The following POLR1E variants were observed in gnomAD, a reference collection of about 807,000 sequenced individuals.
The protein encoded by POLR1E is RNA polymerase I subunit E.
Under a neutral mutation model 50.9 loss-of-function variants are expected in POLR1E, and 37 were observed. The ratio of observed to expected loss-of-function variants is 0.73; its 90% CI spans 0.56 to 0.96. The LOEUF (loss-of-function observed/expected upper bound fraction) is 0.96, where lower values mean the gene tolerates loss of function less well. Among genes scored for constraint, POLR1E ranks in the 40% least tolerant of loss-of-function variants. The pLI is 0.00. For synonymous variants in POLR1E, 166 were observed against 191.6 expected (o/e 0.87, Z 1.10); for missense variants, 426 against 518.1 (o/e 0.82, Z 1.73).
chr9:37,503,219 C>T lies in POLR1E; in HGVS notation c.*17C>T. On this transcript the variant is annotated 3_prime_UTR_variant, in exon 12 of 12. Coordinates refer to ENST00000377798, the MANE Select transcript of POLR1E (RefSeq NM_022490.4). Reference sequence around the variant, plus strand: ...ATTACCTAGACGCATGCTTTCCAGACAGGGCGTTTTGGCTGCATCACAGCC... The same window carrying T: ...ATTACCTAGACGCATGCTTTCCAGATAGGGCGTTTTGGCTGCATCACAGCC... 1 of 1,585,454 alleles carries T rather than the reference C, an allele frequency of 6.3e-7. No individual in the cohort carries two copies. Among genetic ancestry groups the T allele is most frequent in the Non-Finnish European group, 8.6e-7 (1 of 1,167,174 alleles).
intron 6 of POLR1E, 25 bp downstream of exon 6, chr9:37,493,728 G>A (rs1820736286): frequency 1.4e-6 from 2 of 1,469,488 alleles, no homozygotes; most frequent in Admixed American, 4.3e-5. Context: ...CTTGGGCTAA[G>A]AGTCTGCCCA....
intron 10 of POLR1E, 150 bp downstream of exon 10, chr9:37,501,071 T>C (rs1820879847): frequency 7.4e-6 from 5 of 674,938 alleles, no homozygotes; most frequent in Non-Finnish European, 1.2e-5. Flanking sequence ...GGGGCCCCAG[T>C]AAGTTTAGCA....
At chr9:37,489,849 C>T (rs1195784358) in intron 4 of POLR1E, among the ~76,000 whole-genome samples, 1 of 152,224 alleles carries the variant, frequency 6.6e-6, no homozygotes, top group African/African-American at 2.4e-5. Flanking sequence ...GCTAGGATTA[C>T]AGGCGCTAGC....
chr9:37,491,999 A>G (rs1200118051), intron 4 of POLR1E, among the ~76,000 whole-genome samples: 1 of 152,252 alleles, frequency 6.6e-6, no homozygotes, highest in Non-Finnish European at 1.5e-5. Context: ...ACACACACAG[A>G]GATAACATTT....
chr9:37,500,246 G>T (rs148268220), intron 9 of POLR1E, among the ~76,000 whole-genome samples: 1 of 150,850 alleles, frequency 6.6e-6, no homozygotes, highest in South Asian at 2.1e-4. Flanking sequence ...GTGCAGTGGC[G>T]CAATCTTGGC....
intron 1 of POLR1E, 92 bp from the exon 2 acceptor site, chr9:37,486,611 C>A (rs775583695): frequency 2.5e-6 from 4 of 1,613,986 alleles, no homozygotes; most frequent in Non-Finnish European, 3.4e-6. Context: ...TTCTGACACT[C>A]CCTCCCAGTG....
chr9:37,502,183 C>G (rs1820902791), intron 11 of POLR1E, among the ~76,000 whole-genome samples: 1 of 152,220 alleles, frequency 6.6e-6, no homozygotes, highest in African/African-American at 2.4e-5. Flanking sequence ...CCATAACATT[C>G]TGTTCTGAAT....
At chr9:37,498,372 A>T in intron 9 of POLR1E, 148 bp downstream of exon 9, 1 of 919,636 alleles carries the variant, frequency 1.1e-6, no homozygotes, top group Non-Finnish European at 1.6e-6. Flanking sequence ...TACTGCTGAC[A>T]TGTCGAGGGG....
chr9:37,487,943 A>G lies in POLR1E; in HGVS notation c.257+4A>G. 6.2e-7 allele frequency: 1 copy of G among 1,613,936 alleles called. No homozygotes were observed. Among genetic ancestry groups the G allele is most frequent in the South Asian group, 1.1e-5 (1 of 91,076 alleles). ...TCAAATGCAACACTTTGTGCAGGTA[A>G]TGGCAGGGGAAGGGACAGTGGGAAG... is the stretch of plus-strand genomic sequence containing the variant. On this transcript the variant is annotated splice_donor_region_variant and intron_variant, in intron 3 of 11. Coordinates refer to ENST00000377798, the MANE Select transcript of POLR1E (RefSeq NM_022490.4).
intron 1 of POLR1E, 31 bp downstream of exon 1, chr9:37,486,154 T>C (rs1299400164): frequency 1.3e-6 from 2 of 1,557,798 alleles, no homozygotes; most frequent in Non-Finnish European, 1.7e-6. Context: ...GCAGTGCTCC[T>C]CTAACCCTCT....
rs1820776570 is a variant in POLR1E at position 37,495,899 on chromosome 9, C to T, written c.665C>T (p.Pro222Leu). ...DVYKFEDLLS[P>L]AEYEALQSPS... ...CTTGACCTGTAACTAGTTCTTTCCC[C>T]TGCGGAGTATGAAGCTCTTCAGAGC... The change falls in exon 8 of 12, where the codon CCT becomes CTT. Residue 222 changes from proline (P) to leucine (L), a missense_variant. By Grantham distance (98) the Pro-to-Leu change is moderately conservative. Transcript: ENST00000377798. 1.2e-6 allele frequency: 2 copies of T among 1,612,492 alleles called. No individual in the cohort carries two copies. Among genetic ancestry groups the T allele is most frequent in the African/African-American group, 1.3e-5 (1 of 74,850 alleles).
Position 37,488,595 on chromosome 9 carries a change from C to T in POLR1E, c.257+656C>T, listed in dbSNP as rs551366115. Among the ~76,000 whole-genome samples, 7 of 152,198 alleles carry T rather than the reference C, an allele frequency of 4.6e-5. No homozygotes were observed. In the South Asian group the frequency reaches 1.2e-3, roughly 27 times the overall value. On this transcript the variant is annotated intron_variant, in intron 3 of 11. Coordinates refer to ENST00000377798, the MANE Select transcript of POLR1E (RefSeq NM_022490.4). The stretch of plus-strand genomic sequence containing the variant: ...GAGAACTATTAACCCTGCACTCTCC[C>T]CTCTCAGAGATGCCCTAGTTCCAAT...
At chr9:37,488,326 G>C (rs535843090) in intron 3 of POLR1E, among the ~76,000 whole-genome samples, 12 of 152,272 alleles carry the variant, frequency 7.9e-5, no homozygotes, top group African/African-American at 2.9e-4. Flanking sequence ...AGGAGCCTGG[G>C]ATTCCCATCC....
chr9:37,495,308 T>C, intron 7 of POLR1E, 32 bp downstream of exon 7: 1 of 1,546,820 alleles, frequency 6.5e-7, no homozygotes, highest in Non-Finnish European at 8.9e-7. Flanking sequence ...AGCTGCCTTA[T>C]TTCACAAGTT....
rs1467832548 is a variant in POLR1E at position 37,486,041 on chromosome 9, A to G, written c.-7A>G. 1.9e-6 allele frequency: 3 copies of G among 1,598,418 alleles called. No homozygotes were observed. Among genetic ancestry groups the G allele is most frequent in the Non-Finnish European group, 1.7e-6 (2 of 1,174,350 alleles). On this transcript the variant is annotated 5_prime_UTR_variant, in exon 1 of 12. Transcript: ENST00000377798. ...TAACTCCTGTGCTTGGCGGACAGACAGGCGAGATGGCGGCGGAGGTGTTGC... is the reference window on the plus strand; with the variant it reads ...TAACTCCTGTGCTTGGCGGACAGACGGGCGAGATGGCGGCGGAGGTGTTGC...
At chr9:37,501,940 G>A in intron 11 of POLR1E, 96 bp downstream of exon 11, 1 of 1,346,652 alleles carries the variant, frequency 7.4e-7, no homozygotes, top group Non-Finnish European at 1.0e-6. Context: ...GGGAACTGAG[G>A]ATGTTTAAAT....
At chr9:37,490,582 G>A (rs1304389707) in intron 4 of POLR1E, 19 of 709,628 alleles carry the variant, frequency 2.7e-5, no homozygotes, top group African/African-American at 8.8e-5. Flanking sequence ...TTCTTCACCC[G>A]TTTCATGAAG....
chr9:37,486,613 C>G lies in POLR1E; in HGVS notation c.77-90C>G, dbSNP rs768848959. ...CTTGCCATCCCCATTCTGACACTCC[C>G]TCCCAGTGACAGTCTAGTCCCACCG... On this transcript the variant is annotated intron_variant, in intron 1 of 11. Transcript: ENST00000377798. 1.9e-6 allele frequency: 3 copies of G among 1,614,040 alleles called. No homozygotes were observed. The South Asian group carries it at 3.3e-5, about 18-fold the overall frequency.
At chr9:37,490,319 A>G (rs1820658388) in intron 4 of POLR1E, 1 of 467,596 alleles carries the variant, frequency 2.1e-6, no homozygotes, top group African/African-American at 2.0e-5. Context: ...ACATAATTAA[A>G]ATTTGCCTTA....
Sources: gnomAD v4.1 joint callset for allele counts (sites outside exome capture counted in the v4.1 genomes callset) on GRCh38, gnomAD v4.1.1 for gene constraint, MANE v1.5 for transcripts, NCBI Gene and HGNC (gene_info 2026-07-23, HGNC 2026-07-21) for gene names.